The following PDZD4 variants were observed in gnomAD, a reference collection of about 807,000 sequenced individuals.
PDZD4 encodes the protein PDZ domain-containing protein 4.
In PDZD4, 9 loss-of-function variants were observed where a neutral mutation model predicts 38.5. The observed-to-expected ratio is 0.23, with a 90% CI of 0.14 to 0.41. PDZD4 has a LOEUF of 0.41. Ranked by LOEUF, PDZD4 falls within the 10% of genes least tolerant of loss-of-function variation. The pLI is 1.00. For synonymous variants in PDZD4, 349 were observed against 315.7 expected (o/e 1.11, Z -1.12); for missense variants, 612 against 722.0 (o/e 0.85, Z 1.75).
intron 4 of PDZD4, among the ~76,000 whole-genome samples, chrX:153,806,466 C>A (rs1350609898): frequency 8.9e-6 from 1 of 112,956 alleles, no homozygotes; most frequent in Non-Finnish European, 1.9e-5. Flanking sequence ...TGGGGATACA[C>A]AAGACATCTG....
intron 5 of PDZD4, 39 bp downstream of exon 5, chrX:153,806,032 C>T (rs781848258): frequency 1.8e-5 from 21 of 1,199,608 alleles, no homozygotes; most frequent in African/African-American, 7.0e-5. Flanking sequence ...ACGGGCACAG[C>T]GGGGCCTTGG....
intron 4 of PDZD4, 109 bp from the exon 5 acceptor site, chrX:153,806,242 C>G: frequency 1.3e-6 from 1 of 775,732 alleles, no homozygotes; most frequent in Non-Finnish European, 2.0e-6. Flanking sequence ...TCTCTGGCTC[C>G]CCTTCCAGCT....
chrX:153,808,197 A>C, intron 2 of PDZD4, 145 bp downstream of exon 2: 2 of 1,066,591 alleles, frequency 1.9e-6, no homozygotes, highest in Non-Finnish European at 2.4e-6. Flanking sequence ...AGAGGCCTGG[A>C]GGTTTTGGAG....
intron 2 of PDZD4, 67 bp from the exon 3 acceptor site, chrX:153,807,436 G>A (rs2064263179): frequency 1.9e-6 from 2 of 1,057,067 alleles, no homozygotes; most frequent in African/African-American, 3.7e-5. Flanking sequence ...CAGCTCCCAG[G>A]CAGGCCGATC....
chrX:153,829,665 G>T, intron 1 of PDZD4: 1 of 735,840 alleles, frequency 1.4e-6, no homozygotes, highest in Non-Finnish European at 1.6e-6. Context: ...TCCACGCCCC[G>T]CAAAGCCCGG....
chrX:153,813,186 A>T (rs1557079130), intron 1 of PDZD4, among the ~76,000 whole-genome samples: 1 of 112,298 alleles, frequency 8.9e-6, no homozygotes, highest in Non-Finnish European at 1.9e-5. Flanking sequence ...AAACTTCTAG[A>T]CGACAAAAGA....
chrX:153,808,378 G>C lies in PDZD4; in HGVS notation c.278C>G (p.Pro93Arg), dbSNP rs183357329. 1 of 1,209,570 alleles carries C rather than the reference G, an allele frequency of 8.3e-7. No individual in the cohort carries two copies. Among genetic ancestry groups the C allele is most frequent in the African/African-American group, 1.7e-5 (1 of 57,679 alleles). Residue 93 changes from proline (P) to arginine (R), a missense_variant, in exon 2 of 8, where the codon CCC (proline) becomes CGC (arginine). By Grantham distance (103) the Pro-to-Arg change is moderately radical. Transcript: ENST00000393758. ...GACGTACGGCTCCAGGATGACCATG[G>C]GCGGGGTGGGCGGACGCAGCTTGCC... ...ALGKLRPPTPPMVILEPYVLS... is the reference protein window; with the variant it reads ...ALGKLRPPTPRMVILEPYVLS...
rs782527593 is a variant in PDZD4 at position 153,804,758 on chromosome X, G to A, written c.923C>T (p.Pro308Leu). ...SSEHDLLGDE[P>L]PSSTNTPGSL... Reference sequence around the variant, plus strand: ...TCCCGGGGTGTTGGTGGAGCTCGGGGGTTCGTCCCCCAGCAGGTCGTGCTC... The same window carrying A: ...TCCCGGGGTGTTGGTGGAGCTCGGGAGTTCGTCCCCCAGCAGGTCGTGCTC... The change falls in exon 8 of 8, where the codon CCC (proline) becomes CTC (leucine). Residue 308 changes from proline to leucine, a missense_variant. Pro to Leu is a moderately conservative substitution (Grantham distance 98). Coordinates refer to ENST00000393758, the MANE Select transcript of PDZD4 (RefSeq NM_001303512.2). 2 of 1,211,414 alleles carry A rather than the reference G, an allele frequency of 1.7e-6. No homozygotes were observed. The highest frequency in any genetic ancestry group is 1.1e-6 in the Non-Finnish European group (1 of 895,606).
intron 1 of PDZD4, among the ~76,000 whole-genome samples, chrX:153,812,112 G>A (rs1557078867): frequency 9.1e-6 from 1 of 109,975 alleles, no homozygotes; most frequent in Admixed American, 9.8e-5. Flanking sequence ...TATGGGAGAT[G>A]GAAATACTAT....
chrX:153,817,135 G>A (rs1557080164), intron 1 of PDZD4, among the ~76,000 whole-genome samples: 2 of 111,327 alleles, frequency 1.8e-5, no homozygotes, highest in Non-Finnish European at 3.8e-5. Flanking sequence ...GGAGCCTCAC[G>A]CCTTGCTGCT....
At chrX:153,829,385 G>GCCTTGA (rs1322144537) in intron 1 of PDZD4, among the ~76,000 whole-genome samples, 1 of 111,424 alleles carries the variant, frequency 9.0e-6, no homozygotes, top group Non-Finnish European at 1.9e-5. Context: ...GCTCCTGGGT[G>GCCTTGA]CCTTGACCTT....
intron 1 of PDZD4, among the ~76,000 whole-genome samples, chrX:153,814,480 A>ACCCCCCCCCCCCCCCCC (rs35283380): frequency 1.9e-5 from 1 of 53,857 alleles, no homozygotes; most frequent in African/African-American, 7.7e-5. Context: ...TCCACCCCCC[A>ACCCCCCCCCCCCCCCCC]CCCCCCCCCC....
At chrX:153,825,909 A>C (rs1557082407) in intron 1 of PDZD4, among the ~76,000 whole-genome samples, 1 of 112,245 alleles carries the variant, frequency 8.9e-6, no homozygotes, top group East Asian at 2.8e-4. Context: ...AGCCAGAGCA[A>C]ATTAACAAGA....
At chrX:153,826,518 CT>C (rs2064483619) in intron 1 of PDZD4, among the ~76,000 whole-genome samples, 1 of 110,152 alleles carries the variant, frequency 9.1e-6, no homozygotes, top group African/African-American at 3.3e-5. Context: ...ATGCGATTCT[CT>C]TGCCTCAGTC....
intron 1 of PDZD4, among the ~76,000 whole-genome samples, chrX:153,826,025 T>C (rs782802494): frequency 9.0e-6 from 1 of 111,240 alleles, no homozygotes; most frequent in South Asian, 3.8e-4. Context: ...AAGACTAGCC[T>C]GGCCAACATG....
rs782298902 is a variant in PDZD4, at chrX:153,803,841, G to A, written c.1840C>T (p.Arg614Trp). The stretch of plus-strand genomic sequence containing the variant: ...GCCGCGGCCGCCACCCCGCCCACCC[G>A]AGGGCCACCGGCCAAGCTCAGGGGG... ...HGPLSLAGGP[R>W]VGGVAAAATE... The change falls in exon 8 of 8, where the codon CGG becomes TGG. Residue 614 changes from arginine (R) to tryptophan (W), a missense_variant. Arg to Trp is a moderately radical substitution (Grantham distance 101). Coordinates refer to ENST00000393758, the MANE Select transcript of PDZD4 (RefSeq NM_001303512.2). 15 of 1,193,431 alleles carry A rather than the reference G, an allele frequency of 1.3e-5. No homozygotes were observed. The highest frequency in any genetic ancestry group is 4.4e-5 in the Admixed American group (2 of 45,369).
At chrX:153,813,735 TAA>T (rs782348654) in intron 1 of PDZD4, among the ~76,000 whole-genome samples, 1 of 111,562 alleles carries the variant, frequency 9.0e-6, no homozygotes, top group African/African-American at 3.3e-5. Context: ...GTGCTGGTGC[TAA>T]GTGATGCGAG....
chrX:153,822,974 C>T (rs1284600835), intron 1 of PDZD4, among the ~76,000 whole-genome samples: 1 of 111,635 alleles, frequency 9.0e-6, no homozygotes, highest in Non-Finnish European at 1.9e-5. Flanking sequence ...TAATATTGGA[C>T]ATTCTTCTGT....
chrX:153,830,490 T>G lies in PDZD4; in HGVS notation c.-192A>C. The G allele has an allele frequency of 5.9e-6, 2 of 340,072 alleles. No homozygotes were observed. The highest frequency in any genetic ancestry group is 1.0e-5 in the Non-Finnish European group (2 of 193,723). The allele number at this position is 340,072 out of a possible 1,213,427, so 28.0% of individuals were successfully genotyped here. On this transcript the variant is annotated 5_prime_UTR_variant, in exon 1 of 8. Coordinates refer to ENST00000393758, the MANE Select transcript of PDZD4 (RefSeq NM_001303512.2). ...CTCGCCCCTCAGGTTAACTCTTCGC[T>G]GGCCGAGGCCAGGCGCGGGCATGCT...
Sources: allele counts gnomAD v4.1 joint callset (sites outside exome capture counted in the v4.1 genomes callset), GRCh38; gene constraint gnomAD v4.1.1; transcripts MANE v1.5; gene names NCBI Gene and HGNC (gene_info 2026-07-23, HGNC 2026-07-21).